Variants in SLC35E4 observed in about 807,000 individuals in gnomAD.
The protein encoded by SLC35E4 is solute carrier family 35, member E4.
A neutral mutation model predicts 19.3 loss-of-function variants in SLC35E4; 15 were observed. The observed-to-expected ratio is 0.78, with a 90% CI of 0.52 to 1.20. The LOEUF (loss-of-function observed/expected upper bound fraction) is 1.20. Among genes scored for constraint, SLC35E4 ranks in the 50% most tolerant of loss-of-function variants. SLC35E4 has a pLI of 0.00. For missense variants in SLC35E4, 406 were observed against 472.3 expected, an observed-to-expected ratio of 0.86 and a Z score of 1.30; for synonymous variants, 219 against 219.9, an observed-to-expected ratio of 1.00 and a Z score of 0.04.
intron 2 of SLC35E4, chr22:30,661,871 A>G (rs2088479661): frequency 6.6e-6 from 1 of 152,086 alleles, no homozygotes; most frequent in Admixed American, 6.6e-5. Flanking sequence ...GTGATTCTAA[A>G]CAAGGCTGCA....
At chr22:30,663,626 G>A, downstream of SLC35E4, 2 of 1,614,254 alleles carry the variant, frequency 1.2e-6, no homozygotes, top group Non-Finnish European at 1.7e-6. Context: ...CGTCCAGCAG[G>A]GACATGGCGT....
intron 1 of SLC35E4, among the ~76,000 whole-genome samples, chr22:30,644,115 G>A (rs2088089530): frequency 6.6e-6 from 1 of 152,192 alleles, no homozygotes; most frequent in Non-Finnish European, 1.5e-5. Context: ...GACGTTTAAT[G>A]TGCAAGCCAC....
intron 2 of SLC35E4, among the ~76,000 whole-genome samples, chr22:30,653,542 T>C (rs1219873395): frequency 6.6e-6 from 1 of 151,992 alleles, no homozygotes; most frequent in Non-Finnish European, 1.5e-5. Flanking sequence ...CGGCTAATTT[T>C]TTTGTATTTT....
At chr22:30,638,738 G>A (rs2087991478) in intron 1 of SLC35E4, among the ~76,000 whole-genome samples, 1 of 152,132 alleles carries the variant, frequency 6.6e-6, no homozygotes, top group South Asian at 2.1e-4. Flanking sequence ...CTTGAACCTG[G>A]GAGGCGGAGG....
At chr22:30,646,576 C>G (rs772737901) in intron 1 of SLC35E4, 22 bp from the exon 2 acceptor site, 2 of 1,578,154 alleles carry the variant, frequency 1.3e-6, no homozygotes, top group African/African-American at 2.7e-5. Flanking sequence ...TCTGGGTGCT[C>G]ATGGCGGTTG....
chr22:30,636,315 G>C lies in SLC35E4; in HGVS notation c.-136G>C. The C allele has an allele frequency of 8.2e-7, 1 of 1,219,992 alleles. No homozygotes were observed. The highest frequency in any genetic ancestry group is 1.1e-6 in the Non-Finnish European group (1 of 906,986). 75.6% of individuals were successfully genotyped at this position (1,219,992 alleles called of 1,614,324 possible). The stretch of plus-strand genomic sequence containing the variant: ...GCTGGCACAGGCCTGGCACAAGTAA[G>C]CAGTGTCCTCACCTGTCTGAAACGG... On this transcript the variant is annotated 5_prime_UTR_variant, in exon 1 of 2. Coordinates refer to ENST00000343605, the MANE Select transcript of SLC35E4 (RefSeq NM_001001479.4).
chr22:30,652,624 C>CA (rs1405912772), downstream of SLC35E4, among the ~76,000 whole-genome samples: 1 of 152,216 alleles, frequency 6.6e-6, no homozygotes, highest in African/African-American at 2.4e-5. Flanking sequence ...CACAATTTTG[C>CA]AAAGGCGGCT....
downstream of SLC35E4, among the ~76,000 whole-genome samples, chr22:30,650,366 G>A: frequency 6.6e-6 from 1 of 151,964 alleles, no homozygotes; most frequent in East Asian, 1.9e-4. Flanking sequence ...CATGGTGGTG[G>A]GGACCTGTAA....
intron 1 of SLC35E4, among the ~76,000 whole-genome samples, chr22:30,638,726 C>A (rs562348283): frequency 6.6e-6 from 1 of 151,854 alleles, no homozygotes; most frequent in South Asian, 2.1e-4. Flanking sequence ...GTGAGAGAAT[C>A]GCTTGAACCT....
At chr22:30,646,050 C>T (rs1313057171) in intron 1 of SLC35E4, among the ~76,000 whole-genome samples, 1 of 151,986 alleles carries the variant, frequency 6.6e-6, no homozygotes, top group Non-Finnish European at 1.5e-5. Context: ...CTCCTGGGCT[C>T]AAGCGATCCG....
downstream of SLC35E4, among the ~76,000 whole-genome samples, chr22:30,648,122 A>G (rs1487429638): frequency 6.6e-6 from 1 of 151,916 alleles, no homozygotes; most frequent in Non-Finnish European, 1.5e-5. Context: ...TCCATCTTAC[A>G]CACAGACCCC....
At chr22:30,663,014 G>C (rs1452314440) in exon 3 of SLC35E4, 1 of 165,466 alleles carries the variant, frequency 6.0e-6, no homozygotes, top group African/African-American at 2.4e-5. Flanking sequence ...GGCACTCACT[G>C]TAAGAAGCGC....
intron 2 of SLC35E4, among the ~76,000 whole-genome samples, chr22:30,659,144 A>G (rs13054555): frequency 0.46 from 64,817 of 141,686 alleles, 17,253 homozygotes; most frequent in South Asian, 0.64. Context: ...AAAAAAAAAA[A>G]AAGAAGAAAC....
downstream of SLC35E4, among the ~76,000 whole-genome samples, chr22:30,665,289 G>C (rs2088608348): frequency 6.6e-6 from 1 of 152,354 alleles, no homozygotes; most frequent in Admixed American, 6.5e-5. Flanking sequence ...GTGAGGATAA[G>C]ATGGAGCCAC....
At position 30,647,007 on chromosome 22, in the gene SLC35E4, G is replaced by A. The variant is rs1187900468; in HGVS notation, c.1029G>A (p.Arg343=). The change falls in exon 2 of 2, where the codon AGG becomes AGA. Residue 343 remains arginine (R), a synonymous_variant. Transcript: ENST00000343605. ...CTGCCCGTCGGGGGCTGTGGCGGAG[G>A]GACCAGCCCAGCAAGGGTCTTTGAG... is the stretch of plus-strand genomic sequence containing the variant. ...SWAARRGLWR[R]DQPSKGL 1.2e-5 allele frequency: 19 copies of A among 1,609,034 alleles called. No homozygotes were observed. Among genetic ancestry groups the A allele is most frequent in the East Asian group, 2.2e-5 (1 of 44,868 alleles).
At chr22:30,665,549 T>C (rs890662428), downstream of SLC35E4, 2 of 470,868 alleles carry the variant, frequency 4.2e-6, no homozygotes, top group African/African-American at 4.0e-5. Context: ...CCTTAAGATA[T>C]CAACTTAAAG....
intron 1 of SLC35E4, among the ~76,000 whole-genome samples, chr22:30,645,053 C>T (rs550909231): frequency 1.6e-4 from 25 of 152,306 alleles, no homozygotes; most frequent in Admixed American, 3.3e-4. Context: ...CTTTTGTCCC[C>T]TTGTCACTCC....
intron 1 of SLC35E4, among the ~76,000 whole-genome samples, chr22:30,638,247 A>C (rs2087981063): frequency 6.6e-6 from 1 of 151,932 alleles, no homozygotes; most frequent in Admixed American, 6.6e-5. Flanking sequence ...CATGCCTGTA[A>C]TTCCAGCACT....
Position 30,636,703 on chromosome 22 carries a change from C to T in SLC35E4, c.253C>T (p.Leu85=), listed in dbSNP as rs754377259. 3 of 1,611,182 alleles carry T rather than the reference C, an allele frequency of 1.9e-6. No individual in the cohort carries two copies. In the East Asian group the frequency reaches 6.7e-5, roughly 36 times the overall value. ...GFGRPLLLSA[L]HMLVAALACH... is the part of the protein sequence containing the mutation. ...TGGGCGGCCCCTGCTGCTGTCGGCCCTGCACATGCTGGTGGCAGCCCTGGC... is the reference window on the plus strand; with the variant it reads ...TGGGCGGCCCCTGCTGCTGTCGGCCTTGCACATGCTGGTGGCAGCCCTGGC... The change falls in exon 1 of 2, where the codon CTG becomes TTG. Residue 85 remains leucine, a synonymous_variant. Transcript: ENST00000343605.
Sources: allele counts gnomAD v4.1 joint callset (sites outside exome capture counted in the v4.1 genomes callset), GRCh38; gene constraint gnomAD v4.1.1; transcripts MANE v1.5; gene names NCBI Gene and HGNC (gene_info 2026-07-23, HGNC 2026-07-21).